TRPC5: variants seen among roughly 807,000 people sequenced by gnomAD.
TRPC5 encodes transient receptor potential cation channel subfamily C member 5.
TRPC5 carries 9 observed loss-of-function variants against 56.5 expected under a neutral mutation model. The observed-to-expected ratio is 0.16, with a 90% confidence interval of 0.10 to 0.28. TRPC5 has a LOEUF of 0.28. TRPC5 is among the 10% of genes least tolerant of loss of function. TRPC5 has a pLI of 1.00. For missense variants in TRPC5, 469 were observed against 748.9 expected, an observed-to-expected ratio of 0.63 and a Z score of 4.36; for synonymous variants, 282 against 278.5, an observed-to-expected ratio of 1.01 and a Z score of -0.13.
intron 1 of TRPC5, among the ~76,000 whole-genome samples, chrX:112,048,129 T>TA (rs890989706): frequency 9.0e-6 from 1 of 111,503 alleles, no homozygotes; most frequent in Admixed American, 9.5e-5. Flanking sequence ...GGTGTTTGGT[T>TA]AAAAAAAATA....
chrX:112,061,701 CTGTA>C (rs932244483), intron 1 of TRPC5, among the ~76,000 whole-genome samples: 1 of 111,255 alleles, frequency 9.0e-6, no homozygotes, highest in African/African-American at 3.3e-5. Flanking sequence ...TTAAAAACGT[CTGTA>C]TGTGTGTGTG....
intron 1 of TRPC5, among the ~76,000 whole-genome samples, chrX:111,968,194 C>T (rs1345185270): frequency 8.9e-6 from 1 of 111,773 alleles, no homozygotes; most frequent in Non-Finnish European, 1.9e-5. Flanking sequence ...CAAAAGAAGA[C>T]ATTTATGCAG....
intron 1 of TRPC5, among the ~76,000 whole-genome samples, chrX:112,070,682 A>G (rs1254738784): frequency 9.1e-6 from 1 of 110,158 alleles, no homozygotes; most frequent in Non-Finnish European, 1.9e-5. Context: ...CTTTCCTCCT[A>G]GATTCTCAAT....
intron 7 of TRPC5, among the ~76,000 whole-genome samples, chrX:111,788,966 T>C (rs181665193): frequency 6.3e-5 from 7 of 111,836 alleles, no homozygotes; most frequent in Admixed American, 9.5e-5. Flanking sequence ...GAAGAATCAT[T>C]ATCGTGAAAA....
chrX:112,061,464 A>G (rs1010034471), intron 1 of TRPC5, among the ~76,000 whole-genome samples: 1 of 111,930 alleles, frequency 8.9e-6, no homozygotes, highest in African/African-American at 3.3e-5. Context: ...ACTGAGGACC[A>G]TATTAGTCTT....
At chrX:111,865,048 T>C (rs755677415) in intron 3 of TRPC5, among the ~76,000 whole-genome samples, 3 of 110,879 alleles carry the variant, frequency 2.7e-5, no homozygotes, top group East Asian at 2.9e-4. Context: ...TGGAGTGTAC[T>C]GGCATGATCT....
chrX:111,779,166 CCTT>C (rs770113591), intron 9 of TRPC5, 92 bp from the exon 10 acceptor site: 16 of 565,850 alleles, frequency 2.8e-5, no homozygotes, highest in Non-Finnish European at 4.2e-5. Flanking sequence ...CATGCTTAGA[CCTT>C]CTTTGCAGTA....
intron 1 of TRPC5, among the ~76,000 whole-genome samples, chrX:112,017,263 T>C (rs752283709): frequency 9.0e-6 from 1 of 111,343 alleles, no homozygotes; most frequent in South Asian, 3.8e-4. Flanking sequence ...TCCGCCCGCC[T>C]TGGCCTTCCA....
Position 111,776,892 on chromosome X carries a change from G to C in TRPC5, c.2343C>G (p.Asp781Glu). ...STSSTELSQR[D>E]DNNDGSGGAR... ...CCCCACCACTGCCATCATTATTATCGTCTCTCTGAGACAGTTCAGTGCTGC... is the reference window on the plus strand; with the variant it reads ...CCCCACCACTGCCATCATTATTATCCTCTCTCTGAGACAGTTCAGTGCTGC... Residue 781 changes from aspartate to glutamate, a missense_variant, in exon 11 of 11, where the codon GAC (aspartate) becomes GAG (glutamate). Physicochemically the swap from Asp to Glu is conservative, Grantham distance 45 (BLOSUM62 2). Transcript: ENST00000262839. 1.7e-6 allele frequency: 2 copies of C among 1,210,941 alleles called. No individual in the cohort carries two copies. The highest frequency in any genetic ancestry group is 1.1e-6 in the Non-Finnish European group (1 of 895,175).
chrX:112,039,400 G>A (rs1455463131), intron 1 of TRPC5, among the ~76,000 whole-genome samples: 2 of 111,669 alleles, frequency 1.8e-5, no homozygotes, highest in Non-Finnish European at 3.8e-5. Flanking sequence ...CGGAGGTCTT[G>A]CAGATGGAGG....
chrX:111,975,998 A>G (rs186551390), intron 1 of TRPC5, among the ~76,000 whole-genome samples: 11 of 112,852 alleles, frequency 9.7e-5, no homozygotes, highest in African/African-American at 3.5e-4. Context: ...GGAGAATACA[A>G]CATATACATA....
chrX:111,785,635 C>T (rs1024703633), intron 7 of TRPC5, among the ~76,000 whole-genome samples: 1 of 111,443 alleles, frequency 9.0e-6, no homozygotes, highest in Admixed American at 9.5e-5. Context: ...GGAGGATGTT[C>T]GAACCCATCA....
intron 1 of TRPC5, among the ~76,000 whole-genome samples, chrX:111,975,828 G>A (rs771596511): frequency 8.9e-6 from 1 of 111,981 alleles, no homozygotes; most frequent in East Asian, 2.8e-4. Context: ...GGAGCAAAGC[G>A]GAGAGGCGGA....
chrX:112,006,207 A>C (rs748544464), intron 1 of TRPC5, among the ~76,000 whole-genome samples: 1 of 111,264 alleles, frequency 9.0e-6, no homozygotes, highest in African/African-American at 3.3e-5. Context: ...TGAGAGGTAC[A>C]TGAAAGGGAA....
rs921327030 is a variant in TRPC5, at chrX:111,773,306, T to C, written c.*3007A>G. 9.8e-5 allele frequency among the ~76,000 whole-genome samples: 11 copies of C among 112,375 alleles called. No homozygotes were observed. Among genetic ancestry groups the C allele is most frequent in the Admixed American group, 3.8e-4 (4 of 10,584 alleles). ...TTTCAACAATGGTCACTTTCTAATA[T>C]AATTCAAATATTTTCTTTGTAATTT... On this transcript the variant is annotated 3_prime_UTR_variant, in exon 11 of 11. Coordinates refer to ENST00000262839, the MANE Select transcript of TRPC5 (RefSeq NM_012471.3).
At chrX:111,930,494 T>G (rs112826107) in intron 2 of TRPC5, among the ~76,000 whole-genome samples, 4,610 of 110,517 alleles carry the variant, frequency 0.042, 233 homozygotes, top group African/African-American at 0.14. Context: ...CCAGCGACTT[T>G]GGAGGCTGAG....
At chrX:111,994,006 G>A (rs1285618111) in intron 1 of TRPC5, among the ~76,000 whole-genome samples, 3 of 111,787 alleles carry the variant, frequency 2.7e-5, no homozygotes, top group African/African-American at 9.8e-5. Context: ...GTATTGCCTA[G>A]GTTTTCTTCT....
chrX:111,784,349 TGAAAA>T (rs1419342064), intron 7 of TRPC5, among the ~76,000 whole-genome samples: 3 of 111,208 alleles, frequency 2.7e-5, no homozygotes, highest in African/African-American at 9.8e-5. Context: ...ATAAAGAAAA[TGAAAA>T]GATAACTCAT....
chrX:111,785,360 G>T (rs1041104643), intron 7 of TRPC5, among the ~76,000 whole-genome samples: 2 of 112,041 alleles, frequency 1.8e-5, no homozygotes, highest in Non-Finnish European at 3.8e-5. Flanking sequence ...GATGGGAATA[G>T]CATCAACATC....
Sources: allele counts gnomAD v4.1 joint callset (sites outside exome capture counted in the v4.1 genomes callset), GRCh38; gene constraint gnomAD v4.1.1; transcripts MANE v1.5; gene names NCBI Gene and HGNC (gene_info 2026-07-23, HGNC 2026-07-21).